AVEN: variants seen among roughly 807,000 people sequenced by gnomAD.
AVEN encodes the protein apoptosis and caspase activation inhibitor.
AVEN carries 41 observed loss-of-function variants against 38.1 expected under a neutral mutation model. That is an observed-to-expected ratio of 1.08 (90% CI 0.84 to 1.40). The LOEUF (loss-of-function observed/expected upper bound fraction) is 1.40, where lower values mean the gene tolerates loss of function less well. AVEN is among the 40% of genes most tolerant of loss of function. AVEN has a pLI of 0.00. For missense variants in AVEN, 605 were observed against 438.8 expected (o/e 1.38, Z -3.38); for synonymous variants, 206 against 171.8 (o/e 1.20, Z -1.56).
chr15:33,920,826 TGCAATCTC>T (rs1893365810), intron 2 of AVEN, among the ~76,000 whole-genome samples: 2 of 152,062 alleles, frequency 1.3e-5, no homozygotes, highest in African/African-American at 2.4e-5. Flanking sequence ...AGTGCAGTGG[TGCAATCTC>T]GCAATCTCGG....
intron 11 of AVEN, chr15:33,860,711 C>T: frequency 7.6e-7 from 1 of 1,307,194 alleles, no homozygotes; most frequent in Non-Finnish European, 1.1e-6. Flanking sequence ...TCCCCAGAAG[C>T]AAATAGATTT....
In AVEN at chr15:33,867,635, G is replaced by T. The variant is rs769874555; in HGVS notation, c.833C>A (p.Ala278Glu). Reference protein sequence around the residue: ...SQKPTSPLQSAGDHLEEELDL... With the variant: ...SQKPTSPLQSEGDHLEEELDL... ...TAGTTCTTCTTCCAAATGGTCTCCT[G>T]CTGACTGCAGTGGGGAAGTGGGTTT... The change falls in exon 5 of 6, where the codon GCA (alanine) becomes GAA (glutamate). Residue 278 changes from alanine to glutamate, a missense_variant. Coordinates refer to ENST00000306730, the MANE Select transcript of AVEN (RefSeq NM_020371.3). 3 of 1,614,050 alleles carry T rather than the reference G, an allele frequency of 1.9e-6. No homozygotes were observed. Among genetic ancestry groups the T allele is most frequent in the Non-Finnish European group, 2.5e-6 (3 of 1,180,042 alleles).
chr15:33,904,740 C>T (rs892566361), intron 2 of AVEN, among the ~76,000 whole-genome samples: 5 of 149,382 alleles, frequency 3.3e-5, no homozygotes, highest in African/African-American at 5.0e-5. Context: ...AATATGCACG[C>T]TTGCACACAC....
At chr15:33,959,737 A>G (rs1325977781) in intron 2 of AVEN, among the ~76,000 whole-genome samples, 6 of 151,126 alleles carry the variant, frequency 4.0e-5, no homozygotes, top group Non-Finnish European at 7.4e-5. Context: ...CATTATAAGG[A>G]GTAAAGCATG....
chr15:34,057,283 C>T (rs1460714025), intron 5 of AVEN, among the ~76,000 whole-genome samples: 1 of 148,208 alleles, frequency 6.7e-6, no homozygotes, highest in African/African-American at 2.5e-5. Context: ...AATATAGGCA[C>T]ATGCCACCAC....
At chr15:34,046,166 A>C (rs535335227) in intron 5 of AVEN, among the ~76,000 whole-genome samples, 1 of 152,334 alleles carries the variant, frequency 6.6e-6, no homozygotes, top group South Asian at 2.1e-4. Flanking sequence ...TGATTTAAGA[A>C]GTTTATTGTG....
intron 2 of AVEN, among the ~76,000 whole-genome samples, chr15:33,968,357 A>G (rs1215206832): frequency 3.9e-5 from 6 of 151,992 alleles, no homozygotes; most frequent in Admixed American, 1.3e-4. Context: ...ATCAAAACGA[A>G]TATCATCATC....
chr15:33,852,829 C>A, the AVEN span: 1 of 479,024 alleles, frequency 2.1e-6, no homozygotes, highest in Admixed American at 3.9e-5. Flanking sequence ...CAGTGGCCTT[C>A]TGAGTGTTTC....
chr15:33,948,106 T>C (rs1431424581), intron 2 of AVEN, among the ~76,000 whole-genome samples: 1 of 151,228 alleles, frequency 6.6e-6, no homozygotes, highest in Non-Finnish European at 1.5e-5. Context: ...CTTTTCTTTT[T>C]TTTTTTTTTG....
intron 2 of AVEN, among the ~76,000 whole-genome samples, chr15:33,965,722 T>C (rs1043089890): frequency 1.3e-5 from 2 of 152,102 alleles, no homozygotes; most frequent in Admixed American, 1.3e-4. Flanking sequence ...AAAAATGTGC[T>C]TTATTATATG....
At chr15:34,017,744 T>C (rs1898004305) in intron 1 of AVEN, among the ~76,000 whole-genome samples, 1 of 152,136 alleles carries the variant, frequency 6.6e-6, no homozygotes, top group Non-Finnish European at 1.5e-5. Context: ...CCTCCCAAAG[T>C]GCTGGGATTA....
chr15:33,868,670 A>C (rs1457358456), intron 4 of AVEN, among the ~76,000 whole-genome samples: 1 of 152,196 alleles, frequency 6.6e-6, no homozygotes, highest in Non-Finnish European at 1.5e-5. Flanking sequence ...TTGGTAAAAA[A>C]TGCCAGACAC....
At chr15:34,039,356 C>T (rs1230381712), upstream of AVEN, among the ~76,000 whole-genome samples, 2 of 151,108 alleles carry the variant, frequency 1.3e-5, no homozygotes, top group Admixed American at 6.6e-5. Context: ...GGGGAGAGAC[C>T]GTGCTAAGTG....
chr15:33,854,615 G>T, downstream of AVEN: 1 of 1,107,210 alleles, frequency 9.0e-7, no homozygotes, highest in Non-Finnish European at 1.3e-6. Context: ...GGTAGATGGG[G>T]CTCACTTAGC....
chr15:33,873,758 A>T (rs1159158119), intron 3 of AVEN, among the ~76,000 whole-genome samples: 1 of 151,900 alleles, frequency 6.6e-6, no homozygotes, highest in African/African-American at 2.4e-5. Flanking sequence ...ATCAAACTTA[A>T]CTTCTTTCTG....
Position 33,876,473 on chromosome 15 carries a change from G to A in AVEN, c.446-478C>T, listed in dbSNP as rs558456776. Among the ~76,000 whole-genome samples the A allele has an allele frequency of 5.0e-3, 763 of 152,204 alleles. 7 individuals are homozygous for A. The highest frequency in any genetic ancestry group is 7.1e-3 in the Non-Finnish European group (481 of 67,992). ...TATAATCCCACCTACTTGGGAGGCT[G>A]AGGCAGGAGAATCGCTTCAACCCGG... On this transcript the variant is annotated intron_variant, in intron 2 of 5. Transcript: ENST00000306730.
At chr15:33,966,908 A>C (rs1292391045) in intron 2 of AVEN, among the ~76,000 whole-genome samples, 1 of 152,142 alleles carries the variant, frequency 6.6e-6, no homozygotes, top group Non-Finnish European at 1.5e-5. Context: ...CGATCCTCAT[A>C]AACACAATGG....
chr15:33,955,564 G>C (rs1029670728), intron 2 of AVEN, among the ~76,000 whole-genome samples: 3 of 152,128 alleles, frequency 2.0e-5, no homozygotes, highest in Admixed American at 1.3e-4. Context: ...AAAAATGATA[G>C]TTTCATTTTA....
At chr15:34,052,595 G>A (rs1306868899) in intron 5 of AVEN, among the ~76,000 whole-genome samples, 3 of 152,174 alleles carry the variant, frequency 2.0e-5, no homozygotes, top group Admixed American at 6.5e-5. Context: ...TGTCCAGAAA[G>A]CTCCATCATT....
Sources: allele counts gnomAD v4.1 joint callset (sites outside exome capture counted in the v4.1 genomes callset), GRCh38; gene constraint gnomAD v4.1.1; transcripts MANE v1.5; gene names NCBI Gene and HGNC (gene_info 2026-07-23, HGNC 2026-07-21).